The following NTM variants were observed in gnomAD, a reference collection of about 807,000 sequenced individuals.
The protein encoded by NTM is IgLON family member 2.
A neutral mutation model predicts 42.1 loss-of-function variants in NTM; 13 were observed. That is an observed-to-expected ratio of 0.31 (90% CI 0.20 to 0.49). The LOEUF (loss-of-function observed/expected upper bound fraction) is 0.49, where lower values mean the gene tolerates loss of function less well. Ranked by LOEUF, NTM falls within the 20% of genes least tolerant of loss-of-function variation. The pLI is 0.99. For missense variants in NTM, 373 were observed against 452.8 expected, an observed-to-expected ratio of 0.82 and a Z score of 1.60; for synonymous variants, 187 against 179.2, an observed-to-expected ratio of 1.04 and a Z score of -0.35.
chr11:131,682,312 G>T (rs2073089993), intron 1 of NTM, among the ~76,000 whole-genome samples: 1 of 152,188 alleles, frequency 6.6e-6, no homozygotes, highest in East Asian at 1.9e-4. Context: ...GCTGCTGTGA[G>T]GACTAATCTA....
chr11:131,760,679 AG>A (rs2084021354), intron 1 of NTM, among the ~76,000 whole-genome samples: 1 of 151,954 alleles, frequency 6.6e-6, no homozygotes, highest in East Asian at 1.9e-4. Context: ...GGGGCCGGGG[AG>A]GGGCCGGGGT....
At chr11:131,939,881 A>G (rs771835277) in intron 2 of NTM, among the ~76,000 whole-genome samples, 1 of 152,298 alleles carries the variant, frequency 6.6e-6, no homozygotes, top group Non-Finnish European at 1.5e-5. Context: ...AAATTGGAGT[A>G]GGAGGGATAT....
Position 131,812,183 on chromosome 11 carries a change from CCTCT to C in NTM, c.83-99346_83-99343del, listed in dbSNP as rs145003478. On this transcript the variant is annotated intron_variant, in intron 1 of 8. Transcript: ENST00000683400. ...CTTTGTCAGAAAGATAATTAGTCAG[CCTCT>C]CTCTCTCTCTCTCTCTCTCTCTCTC... Among the ~76,000 whole-genome samples, 1,308 of 142,984 alleles carry C rather than the reference CCTCT, an allele frequency of 9.1e-3. 20 individuals are homozygous for C. The highest frequency in any genetic ancestry group is 0.027 in the African/African-American group (994 of 36,286). The allele number at this position is 142,984 out of a possible 152,430, so 93.8% of individuals were successfully genotyped here.
intron 1 of NTM, among the ~76,000 whole-genome samples, chr11:131,739,779 C>T (rs540380125): frequency 6.8e-4 from 103 of 152,282 alleles, no homozygotes; most frequent in Non-Finnish European, 1.2e-3. Flanking sequence ...AGATGGGAAA[C>T]GGCAGTTGCC....
At chr11:131,843,095 GAAT>G (rs1555151363) in intron 1 of NTM, among the ~76,000 whole-genome samples, 3 of 151,958 alleles carry the variant, frequency 2.0e-5, no homozygotes, top group Non-Finnish European at 1.5e-5. Context: ...AAAATATGAT[GAAT>G]AATAAAAAAG....
At chr11:132,267,801 C>T (rs1175739712) in intron 4 of NTM, among the ~76,000 whole-genome samples, 1 of 150,574 alleles carries the variant, frequency 6.6e-6, no homozygotes, top group Non-Finnish European at 1.5e-5. Context: ...GAGATCGCTC[C>T]ATTGCACTCC....
At chr11:132,081,646 G>A (rs1018345460) in intron 2 of NTM, among the ~76,000 whole-genome samples, 1 of 151,624 alleles carries the variant, frequency 6.6e-6, no homozygotes, top group Non-Finnish European at 1.5e-5. Context: ...GCAGGAGAAT[G>A]GCGTGAACCC....
rs1024646956 is a variant in NTM at position 131,667,902 on chromosome 11, G to T, written c.83-243662G>T. 1.3e-4 allele frequency among the ~76,000 whole-genome samples: 20 copies of T among 152,288 alleles called. 1 individual carries two copies. Among genetic ancestry groups the T allele is most frequent in the African/African-American group, 4.8e-4 (20 of 41,558 alleles). The stretch of plus-strand genomic sequence containing the variant: ...CCTGGAGACACCCTCTCTTCCCACT[G>T]CTGGGTTTTGATTAGTTGAACTCCA... On this transcript the variant is annotated intron_variant, in intron 1 of 8. Transcript: ENST00000683400.
intron 1 of NTM, chr11:131,538,758 G>T (rs541661560): frequency 6.6e-6 from 1 of 152,216 alleles, no homozygotes; most frequent in South Asian, 2.1e-4. Flanking sequence ...TGGTCAATGG[G>T]TACAAAATTT....
intron 1 of NTM, among the ~76,000 whole-genome samples, chr11:131,721,164 A>G (rs1043230619): frequency 6.6e-6 from 1 of 151,972 alleles, no homozygotes; most frequent in African/African-American, 2.4e-5. Context: ...AGGATAAGTG[A>G]CCCCGGGAAA....
At chr11:131,808,938 C>A (rs531051494) in intron 1 of NTM, among the ~76,000 whole-genome samples, 1 of 152,354 alleles carries the variant, frequency 6.6e-6, no homozygotes, top group African/African-American at 2.4e-5. Context: ...TCTCAATTTT[C>A]TCATCATTGA....
rs1203216200 is a variant in NTM, at chr11:131,500,569, ATATATATATTT to A, written c.82+129683_82+129693del. On this transcript the variant is annotated intron_variant, in intron 1 of 8. Transcript: ENST00000683400. ...TATATATATATATATATATATATAT[ATATATATATTT>A]TTTTTTTTTTTTTTTGTATTATACT... 1.3e-3 allele frequency among the ~76,000 whole-genome samples: 73 copies of A among 58,064 alleles called. 1 individual carries two copies. Among genetic ancestry groups the A allele is most frequent in the African/African-American group, 4.8e-3 (62 of 13,032 alleles). 38.1% of individuals were successfully genotyped at this position (58,064 alleles called of 152,430 possible).
chr11:131,825,964 A>G (rs1210619298), intron 1 of NTM, among the ~76,000 whole-genome samples: 1 of 152,182 alleles, frequency 6.6e-6, no homozygotes, highest in African/African-American at 2.4e-5. Flanking sequence ...ATAAATTTGG[A>G]GATTATTGTT....
chr11:132,068,366 G>T (rs948129256), intron 2 of NTM, among the ~76,000 whole-genome samples: 7 of 152,028 alleles, frequency 4.6e-5, no homozygotes, highest in Non-Finnish European at 1.0e-4. Flanking sequence ...CCACATTAAT[G>T]GCTTAAAAGT....
intron 1 of NTM, among the ~76,000 whole-genome samples, chr11:131,643,762 C>G (rs1353624640): frequency 1.3e-5 from 2 of 152,160 alleles, no homozygotes; most frequent in African/African-American, 4.8e-5. Flanking sequence ...GCTGCCATTA[C>G]CGAGCCTGCA....
intron 1 of NTM, among the ~76,000 whole-genome samples, chr11:131,484,449 C>T (rs1292922475): frequency 1.3e-5 from 2 of 152,180 alleles, no homozygotes; most frequent in African/African-American, 4.8e-5. Context: ...AGGGTGGAGG[C>T]TCCCAACTTG....
intron 4 of NTM, among the ~76,000 whole-genome samples, chr11:132,255,029 C>T (rs187861924): frequency 6.6e-6 from 1 of 152,338 alleles, no homozygotes; most frequent in East Asian, 1.9e-4. Flanking sequence ...GAAGCACAGC[C>T]CTAGCCCACA....
intron 2 of NTM, among the ~76,000 whole-genome samples, chr11:131,973,784 T>C (rs1593302050): frequency 6.6e-6 from 1 of 152,164 alleles, no homozygotes; most frequent in African/African-American, 2.4e-5. Flanking sequence ...ACCACTGCAC[T>C]CTACCCTGGG....
chr11:131,482,180 A>G (rs1953676808), intron 1 of NTM, among the ~76,000 whole-genome samples: 1 of 152,168 alleles, frequency 6.6e-6, no homozygotes, highest in East Asian at 1.9e-4. Flanking sequence ...TACCTTTTAT[A>G]TTCTGTAAGA....
Sources: allele counts gnomAD v4.1 joint callset (sites outside exome capture counted in the v4.1 genomes callset), GRCh38; gene constraint gnomAD v4.1.1; transcripts MANE v1.5; gene names NCBI Gene and HGNC (gene_info 2026-07-23, HGNC 2026-07-21).